The following FYB1 variants were observed in gnomAD, a reference collection of about 807,000 sequenced individuals.
FYB1 encodes the protein FYN-binding protein 1.
In FYB1, 41 loss-of-function variants were observed where a neutral mutation model predicts 94.1. The ratio of observed to expected loss-of-function variants is 0.44; its 90% CI spans 0.34 to 0.57. The LOEUF (loss-of-function observed/expected upper bound fraction) is 0.57. Ranked by LOEUF, FYB1 falls within the 20% of genes least tolerant of loss-of-function variation. FYB1 has a pLI of 0.02. For synonymous variants in FYB1, 367 were observed against 353.2 expected, an observed-to-expected ratio of 1.04 and a Z score of -0.44; for missense variants, 1,050 against 976.8, an observed-to-expected ratio of 1.07 and a Z score of -1.00.
chr5:39,226,272 T>A (rs1261470747), intron 1 of FYB1, among the ~76,000 whole-genome samples: 1 of 152,190 alleles, frequency 6.6e-6, no homozygotes, highest in African/African-American at 2.4e-5. Context: ...CCTGCCTCTT[T>A]AACTGCAGTG....
chr5:39,266,308 C>T (rs1752435386), intron 1 of FYB1, among the ~76,000 whole-genome samples: 1 of 152,122 alleles, frequency 6.6e-6, no homozygotes, highest in Non-Finnish European at 1.5e-5. Flanking sequence ...TTGACTGAGC[C>T]TCTTGAAAGA....
At chr5:39,227,950 G>A (rs1750555052) in intron 1 of FYB1, among the ~76,000 whole-genome samples, 1 of 152,114 alleles carries the variant, frequency 6.6e-6, no homozygotes, top group Non-Finnish European at 1.5e-5. Flanking sequence ...ACCTTGAGAG[G>A]GCCAACTGGG....
intron 1 of FYB1, among the ~76,000 whole-genome samples, chr5:39,224,947 C>T (rs534809042): frequency 1.6e-4 from 24 of 152,262 alleles, no homozygotes; most frequent in Non-Finnish European, 2.4e-4. Context: ...ATTTATATTA[C>T]GGAAAGTTAT....
chr5:39,220,724 G>T (rs116245373), upstream of FYB1, among the ~76,000 whole-genome samples: 2,327 of 152,308 alleles, frequency 0.015, 29 homozygotes, highest in Non-Finnish European at 0.023. Flanking sequence ...TAATCTTACA[G>T]ACGTTATGCC....
chr5:39,146,885 A>T (rs1300878433), intron 3 of FYB1, among the ~76,000 whole-genome samples: 2 of 152,198 alleles, frequency 1.3e-5, no homozygotes, highest in Admixed American at 6.5e-5. Context: ...AATGATGGTG[A>T]AGAATAAAAG....
intron 1 of FYB1, among the ~76,000 whole-genome samples, chr5:39,204,279 C>A (rs114432259): frequency 6.6e-6 from 1 of 152,136 alleles, no homozygotes; most frequent in Non-Finnish European, 1.5e-5. Flanking sequence ...TGTTCTATAT[C>A]ATCCCGTCTC....
chr5:39,109,351 C>T (rs187906164), intron 17 of FYB1, among the ~76,000 whole-genome samples: 9 of 152,116 alleles, frequency 5.9e-5, no homozygotes, highest in Admixed American at 5.9e-4. Flanking sequence ...GGTGGTGAAC[C>T]AACAATTACT....
chr5:39,241,948 G>T (rs1262056533), intron 1 of FYB1, among the ~76,000 whole-genome samples: 1 of 151,836 alleles, frequency 6.6e-6, no homozygotes, highest in Non-Finnish European at 1.5e-5. Flanking sequence ...GTTTTATTAG[G>T]CCAAAGATGT....
intron 1 of FYB1, among the ~76,000 whole-genome samples, chr5:39,258,134 G>A (rs956959499): frequency 1.3e-5 from 2 of 152,182 alleles, no homozygotes; most frequent in Non-Finnish European, 2.9e-5. Context: ...CACACTTTGA[G>A]AACCACCGTC....
intron 1 of FYB1, among the ~76,000 whole-genome samples, chr5:39,268,121 T>C (rs1752509957): frequency 1.3e-5 from 2 of 152,210 alleles, no homozygotes; most frequent in Admixed American, 1.3e-4. Context: ...TTATAAAATA[T>C]GCATTTAAAA....
chr5:39,240,074 A>G (rs978757285), intron 1 of FYB1, among the ~76,000 whole-genome samples: 1 of 152,196 alleles, frequency 6.6e-6, no homozygotes, highest in African/African-American at 2.4e-5. Flanking sequence ...AGCAATGAGG[A>G]AAGGACTCCA....
intron 2 of FYB1, among the ~76,000 whole-genome samples, chr5:39,164,020 A>C (rs931298655): frequency 6.6e-6 from 1 of 152,254 alleles, no homozygotes; most frequent in African/African-American, 2.4e-5. Flanking sequence ...CTTTGAGAAC[A>C]CTTTTAGGAT....
At chr5:39,125,096 C>T (rs927878264) in intron 12 of FYB1, among the ~76,000 whole-genome samples, 5 of 151,970 alleles carry the variant, frequency 3.3e-5, no homozygotes, top group Admixed American at 2.6e-4. Context: ...AAAAAACCCT[C>T]TCATTTTTAA....
intron 2 of FYB1, among the ~76,000 whole-genome samples, chr5:39,198,401 T>A (rs1284982663): frequency 6.6e-6 from 1 of 152,226 alleles, no homozygotes; most frequent in Non-Finnish European, 1.5e-5. Context: ...TTCATTAAAC[T>A]GCTGTATCTA....
At chr5:39,242,214 T>C (rs529616096) in intron 1 of FYB1, among the ~76,000 whole-genome samples, 7 of 152,124 alleles carry the variant, frequency 4.6e-5, no homozygotes, top group Non-Finnish European at 8.8e-5. Context: ...TATGTATACA[T>C]GTGCCATGTT....
intron 9 of FYB1, among the ~76,000 whole-genome samples, chr5:39,132,867 G>A (rs552529008): frequency 1.3e-5 from 2 of 152,150 alleles, no homozygotes; most frequent in African/African-American, 4.8e-5. Flanking sequence ...AATTCTGTAA[G>A]TTACAGAATG....
chr5:39,273,775 T>C (rs543312141), intron 1 of FYB1, among the ~76,000 whole-genome samples: 1 of 152,192 alleles, frequency 6.6e-6, no homozygotes, highest in Admixed American at 6.5e-5. Context: ...AGGTGGAGAC[T>C]GTGAGGTCTA....
At chr5:39,217,365 C>G (rs568190739) in intron 1 of FYB1, among the ~76,000 whole-genome samples, 3 of 152,300 alleles carry the variant, frequency 2.0e-5, no homozygotes, top group African/African-American at 7.2e-5. Context: ...CAGGTTCACA[C>G]AGTTGGGCTA....
rs1283383964 is a variant in FYB1 at position 39,134,868 on chromosome 5, T to C, written c.1662A>G (p.Thr554=). Residue 554 remains threonine (T), a synonymous_variant, in exon 8 of 19, where the codon ACA becomes ACG. Transcript: ENST00000512982. The part of the protein sequence containing the change: ...DNPEGKWLGR[T]ARGSYGYIKT... The stretch of plus-strand genomic sequence containing the variant: ...ATTTGCACTCACATGAACCCCTTGC[T>C]GTTCTGCCCAACCATTTTCCTTCTG... 1 of 1,613,972 alleles carries C rather than the reference T, an allele frequency of 6.2e-7. No homozygotes were observed. Among genetic ancestry groups the C allele is most frequent in the Non-Finnish European group, 8.5e-7 (1 of 1,179,884 alleles).
Sources: gnomAD v4.1 joint callset for allele counts (sites outside exome capture counted in the v4.1 genomes callset) on GRCh38, gnomAD v4.1.1 for gene constraint, MANE v1.5 for transcripts, NCBI Gene and HGNC (gene_info 2026-07-23, HGNC 2026-07-21) for gene names.